P2RY14: variants seen among roughly 807,000 people sequenced by gnomAD.
The protein encoded by P2RY14 is P2Y purinoceptor 14.
In P2RY14, 2 loss-of-function variants were observed where a neutral mutation model predicts 0.9. The observed-to-expected ratio is 2.16, with a 90% confidence interval of 0.88 to 6.79. P2RY14 has a LOEUF of 6.79. Ranked by LOEUF, P2RY14 falls within the 30% of genes most tolerant of loss-of-function variation. P2RY14 has a pLI of 0.05. For missense variants in P2RY14, 378 were observed against 400.1 expected, an observed-to-expected ratio of 0.94 and a Z score of 0.47; for synonymous variants, 158 against 147.2, an observed-to-expected ratio of 1.07 and a Z score of -0.53.
intron 1 of P2RY14, among the ~76,000 whole-genome samples, chr3:151,258,711 G>A (rs1738291085): frequency 6.6e-6 from 1 of 152,108 alleles, no homozygotes; most frequent in African/African-American, 2.4e-5. Context: ...AATTAGCCAG[G>A]TGTGGTGGTG....
chr3:151,271,283 C>G (rs1167117156), intron 1 of P2RY14, among the ~76,000 whole-genome samples: 1 of 152,048 alleles, frequency 6.6e-6, no homozygotes, highest in Non-Finnish European at 1.5e-5. Flanking sequence ...CCTCACTTGT[C>G]AACAGGGAAA....
intron 1 of P2RY14, among the ~76,000 whole-genome samples, chr3:151,222,141 A>T (rs1485528381): frequency 6.6e-6 from 1 of 152,178 alleles, no homozygotes; most frequent in Non-Finnish European, 1.5e-5. Flanking sequence ...AGTTCCTCCC[A>T]TTTGGAATGA....
chr3:151,271,326 C>T (rs1392416153), intron 1 of P2RY14, among the ~76,000 whole-genome samples: 3 of 151,922 alleles, frequency 2.0e-5, no homozygotes, highest in African/African-American at 7.3e-5. Flanking sequence ...GTACTTTCAC[C>T]CATTAGAATG....
chr3:151,216,953 T>A (rs1728353728), intron 2 of P2RY14, among the ~76,000 whole-genome samples: 1 of 152,088 alleles, frequency 6.6e-6, no homozygotes, highest in African/African-American at 2.4e-5. Context: ...CAGGTCTAAT[T>A]TGGTTTCCCA....
chr3:151,214,254 A>G lies in P2RY14; in HGVS notation c.63T>C (p.Thr21=). Residue 21 remains threonine, a synonymous_variant, in exon 3 of 3, where the codon ACT becomes ACC. Coordinates refer to ENST00000309170, the MANE Select transcript of P2RY14 (RefSeq NM_014879.4). ...AGTACAGCACAGGAATGATCTGCTG[A>G]GTGATCAGGAGGTTCTGAGAGCAGG... ...DESCSQNLLI[T]QQIIPVLYCM... is the part of the protein sequence containing the mutation. 6.2e-7 allele frequency: 1 copy of G among 1,613,946 alleles called. No homozygotes were observed. The highest frequency in any genetic ancestry group is 8.5e-7 in the Non-Finnish European group (1 of 1,179,872).
intron 1 of P2RY14, among the ~76,000 whole-genome samples, chr3:151,221,432 G>A (rs575779762): frequency 6.6e-6 from 1 of 152,300 alleles, no homozygotes; most frequent in Admixed American, 6.5e-5. Flanking sequence ...GGTCTTTACT[G>A]CAAGCCCATC....
intron 1 of P2RY14, among the ~76,000 whole-genome samples, chr3:151,222,776 C>G (rs1729638897): frequency 6.6e-6 from 1 of 152,048 alleles, no homozygotes; most frequent in South Asian, 2.1e-4. Flanking sequence ...TCATTTTTTT[C>G]CCCCAGATCC....
chr3:151,248,442 T>C (rs1331328931), intron 1 of P2RY14, among the ~76,000 whole-genome samples: 1 of 152,184 alleles, frequency 6.6e-6, no homozygotes, highest in Non-Finnish European at 1.5e-5. Context: ...GTCTGGTTTT[T>C]GTTTTCTTTC....
At chr3:151,248,071 C>T (rs1428753454) in intron 1 of P2RY14, among the ~76,000 whole-genome samples, 1 of 141,864 alleles carries the variant, frequency 7.0e-6, no homozygotes, top group African/African-American at 2.6e-5. Context: ...GAAATTACTA[C>T]ATAATTTATA....
intron 1 of P2RY14, among the ~76,000 whole-genome samples, chr3:151,253,361 G>A (rs1369893519): frequency 6.6e-6 from 1 of 152,180 alleles, no homozygotes; most frequent in East Asian, 1.9e-4. Context: ...AGTTTAGAGT[G>A]GAGCAACAGC....
At chr3:151,273,805 T>C (rs1486128954) in intron 1 of P2RY14, among the ~76,000 whole-genome samples, 1 of 152,208 alleles carries the variant, frequency 6.6e-6, no homozygotes, top group African/African-American at 2.4e-5. Context: ...CATTTCTTAA[T>C]TGGGGTAGGA....
chr3:151,246,217 T>C (rs946050295), intron 1 of P2RY14, among the ~76,000 whole-genome samples: 13 of 152,188 alleles, frequency 8.5e-5, no homozygotes, highest in Admixed American at 3.9e-4. Context: ...ATAGATTCAA[T>C]GCCATCCCCA....
At chr3:151,251,100 T>C (rs370008368) in intron 1 of P2RY14, among the ~76,000 whole-genome samples, 2 of 152,216 alleles carry the variant, frequency 1.3e-5, no homozygotes, top group East Asian at 3.9e-4. Flanking sequence ...CCCTCAAATG[T>C]TGATGTTTTA....
intron 1 of P2RY14, among the ~76,000 whole-genome samples, chr3:151,247,085 T>C (rs1012066262): frequency 3.3e-5 from 5 of 152,210 alleles, no homozygotes; most frequent in East Asian, 1.9e-4. Context: ...ACCAGTTAGA[T>C]TGGCAATAAT....
chr3:151,252,433 CAGTTGTTTCTCCCAACTAGATTGG>C lies in P2RY14; in HGVS notation c.-133+25830_-133+25853del, dbSNP rs1273560014. 2.0e-5 allele frequency among the ~76,000 whole-genome samples: 3 copies of C among 152,020 alleles called. No homozygotes were observed. The South Asian group carries it at 6.2e-4, about 32-fold the overall frequency. On this transcript the variant is annotated intron_variant, in intron 1 of 2. Coordinates refer to ENST00000309170, the MANE Select transcript of P2RY14 (RefSeq NM_014879.4). ...TAAATACTGATTTTTAATTGTCTGC[CAGTTGTTTCTCCCAACTAGATTGG>C]GTGAGCTGTTGAGAGCCAGGGCAGT...
Position 151,241,932 on chromosome 3 carries a change from G to A in P2RY14, c.-132-22290C>T, listed in dbSNP as rs568444953. 2.6e-3 allele frequency: 397 copies of A among 153,378 alleles called. 1 individual carries two copies. The highest frequency in any genetic ancestry group is 4.7e-3 in the Admixed American group (72 of 15,304). The allele number at this position is 153,378 out of a possible 1,614,324, so 9.5% of individuals were successfully genotyped here. A position where few individuals can be genotyped will look rare whatever the true frequency, so the allele number is the denominator to read the frequency against. ...GCGCAGGTCAGTGGGTGCGCGAGCC[G>A]AAGCAGGGCGAGGCACTGCCTCACT... On this transcript the variant is annotated intron_variant, in intron 1 of 2. Coordinates refer to ENST00000309170, the MANE Select transcript of P2RY14 (RefSeq NM_014879.4).
At chr3:151,238,582 T>A (rs1482075213) in intron 1 of P2RY14, among the ~76,000 whole-genome samples, 3 of 152,244 alleles carry the variant, frequency 2.0e-5, no homozygotes, top group Non-Finnish European at 4.4e-5. Context: ...AAATTTGCAC[T>A]GATGGTGCAA....
intron 1 of P2RY14, among the ~76,000 whole-genome samples, chr3:151,276,395 CCAT>C (rs1486083300): frequency 1.3e-5 from 2 of 152,224 alleles, no homozygotes; most frequent in East Asian, 3.8e-4. Context: ...TCCTTATTGT[CCAT>C]CATCCTCCAC....
chr3:151,251,680 T>C (rs371015751), intron 1 of P2RY14, among the ~76,000 whole-genome samples: 3 of 152,216 alleles, frequency 2.0e-5, no homozygotes, highest in African/African-American at 7.2e-5. Context: ...TTGTTTGAAC[T>C]CTCTGTGAAT....
Sources: gnomAD v4.1 joint callset for allele counts (sites outside exome capture counted in the v4.1 genomes callset) on GRCh38, gnomAD v4.1.1 for gene constraint, MANE v1.5 for transcripts, NCBI Gene and HGNC (gene_info 2026-07-23, HGNC 2026-07-21) for gene names.